Variants in KCND2 observed in about 807,000 individuals in gnomAD.
KCND2 encodes the protein potassium voltage-gated channel subfamily D member 2.
KCND2 carries 16 observed loss-of-function variants against 54.4 expected under a neutral mutation model. The ratio of observed to expected loss-of-function variants is 0.29; its 90% CI spans 0.20 to 0.45. The LOEUF (loss-of-function observed/expected upper bound fraction) is 0.45. Among genes scored for constraint, KCND2 ranks in the 20% least tolerant of loss-of-function variants. KCND2 has a pLI of 1.00. For synonymous variants in KCND2, 317 were observed against 310.7 expected (o/e 1.02, Z -0.21); for missense variants, 486 against 824.2 (o/e 0.59, Z 5.02).
At chr7:120,684,210 G>C (rs566033245) in intron 1 of KCND2, among the ~76,000 whole-genome samples, 1 of 152,050 alleles carries the variant, frequency 6.6e-6, no homozygotes, top group Non-Finnish European at 1.5e-5. Context: ...GTTATTCCTG[G>C]GGCCTTCAGA....
intron 1 of KCND2, among the ~76,000 whole-genome samples, chr7:120,278,645 G>A (rs974367931): frequency 6.6e-6 from 1 of 151,528 alleles, no homozygotes; most frequent in South Asian, 2.1e-4. Context: ...AACTGAGTGT[G>A]TCTATCTTAG....
chr7:120,482,497 C>T (rs1802620729), intron 1 of KCND2, among the ~76,000 whole-genome samples: 1 of 152,106 alleles, frequency 6.6e-6, no homozygotes, highest in African/African-American at 2.4e-5. Flanking sequence ...AATATGTCCT[C>T]CAAATTTCAT....
At chr7:120,305,734 G>A (rs1039028783) in intron 1 of KCND2, among the ~76,000 whole-genome samples, 1 of 152,076 alleles carries the variant, frequency 6.6e-6, no homozygotes, top group Admixed American at 6.6e-5. Flanking sequence ...AAATGTGTCT[G>A]TCCCAAGCAT....
intron 1 of KCND2, among the ~76,000 whole-genome samples, chr7:120,432,614 G>A (rs1224309350): frequency 6.6e-6 from 1 of 152,098 alleles, no homozygotes; most frequent in Non-Finnish European, 1.5e-5. Flanking sequence ...TGATAATTAT[G>A]GGTATAATTT....
chr7:120,616,725 G>A (rs778176333), intron 1 of KCND2, among the ~76,000 whole-genome samples: 2 of 152,138 alleles, frequency 1.3e-5, no homozygotes, highest in Non-Finnish European at 2.9e-5. Context: ...TCCTCCAAAT[G>A]TGTGTGTGCA....
intron 1 of KCND2, among the ~76,000 whole-genome samples, chr7:120,555,270 T>C (rs937271032): frequency 6.6e-6 from 1 of 152,214 alleles, no homozygotes; most frequent in African/African-American, 2.4e-5. Flanking sequence ...ATTCACAATA[T>C]TGGCCATCAT....
chr7:120,636,727 G>A (rs1297466369), intron 1 of KCND2, among the ~76,000 whole-genome samples: 1 of 152,050 alleles, frequency 6.6e-6, no homozygotes, highest in African/African-American at 2.4e-5. Context: ...TGTCTGTAAA[G>A]ATCTGTGAAA....
chr7:120,683,292 T>A (rs1363998351), intron 1 of KCND2, among the ~76,000 whole-genome samples: 1 of 152,152 alleles, frequency 6.6e-6, no homozygotes, highest in Non-Finnish European at 1.5e-5. Flanking sequence ...TACTCCAGTC[T>A]ACTATGATCT....
intron 1 of KCND2, among the ~76,000 whole-genome samples, chr7:120,467,723 C>T (rs943048395): frequency 6.6e-5 from 10 of 152,060 alleles, no homozygotes; most frequent in Admixed American, 3.9e-4. Context: ...TCCTTTTTGT[C>T]ATCTGCGTTC....
chr7:120,423,181 A>T (rs905404815), intron 1 of KCND2, among the ~76,000 whole-genome samples: 1 of 152,018 alleles, frequency 6.6e-6, no homozygotes. Flanking sequence ...TTCTGGCTTC[A>T]CTCTTCTCTG....
intron 1 of KCND2, among the ~76,000 whole-genome samples, chr7:120,593,951 C>T (rs1792701952): frequency 6.6e-6 from 1 of 152,320 alleles, no homozygotes; most frequent in South Asian, 2.1e-4. Context: ...CTCTGCTGGC[C>T]TGCCCAGACC....
chr7:120,464,233 A>T (rs1223399746), intron 1 of KCND2: 2 of 194,048 alleles, frequency 1.0e-5, no homozygotes, highest in Admixed American at 1.3e-4. Flanking sequence ...AGGTAAAAAA[A>T]AAAAGAAAAC....
chr7:120,554,313 C>G (rs1395293992), intron 1 of KCND2, among the ~76,000 whole-genome samples: 1 of 152,202 alleles, frequency 6.6e-6, no homozygotes, highest in Admixed American at 6.5e-5. Context: ...CATTAACTTG[C>G]ATCAGAATCA....
chr7:120,645,470 C>T (rs1424000120), intron 1 of KCND2, among the ~76,000 whole-genome samples: 1 of 152,114 alleles, frequency 6.6e-6, no homozygotes, highest in East Asian at 1.9e-4. Context: ...AGTGGCTGAC[C>T]ACATGACATG....
intron 1 of KCND2, among the ~76,000 whole-genome samples, chr7:120,585,157 G>C (rs2116449439): frequency 6.6e-6 from 1 of 151,548 alleles, no homozygotes; most frequent in Non-Finnish European, 1.5e-5. Context: ...CTTGCTTTTT[G>C]TGCCTAAGGG....
At chr7:120,315,569 C>T (rs967491491) in intron 1 of KCND2, among the ~76,000 whole-genome samples, 2 of 152,144 alleles carry the variant, frequency 1.3e-5, no homozygotes, top group South Asian at 2.1e-4. Flanking sequence ...AAATAACACA[C>T]GTAGTGCCTA....
At chr7:120,463,877 GTAGA>G (rs1371446990) in intron 1 of KCND2, among the ~76,000 whole-genome samples, 1 of 150,018 alleles carries the variant, frequency 6.7e-6, no homozygotes, top group Non-Finnish European at 1.5e-5. Flanking sequence ...GAATTGAAAG[GTAGA>G]TAGAAGATAG....
At chr7:120,547,803 A>G (rs1197052893) in intron 1 of KCND2, among the ~76,000 whole-genome samples, 1 of 152,044 alleles carries the variant, frequency 6.6e-6, no homozygotes, top group Non-Finnish European at 1.5e-5. Context: ...ATTGATGTGC[A>G]TTAATATTGA....
chr7:120,433,993 T>C (rs897150185), intron 1 of KCND2, among the ~76,000 whole-genome samples: 1 of 152,198 alleles, frequency 6.6e-6, no homozygotes, highest in African/African-American at 2.4e-5. Flanking sequence ...GCACAATACA[T>C]GTGTGTTACA....
Sources: allele counts gnomAD v4.1 joint callset (sites outside exome capture counted in the v4.1 genomes callset), GRCh38; gene constraint gnomAD v4.1.1; transcripts MANE v1.5; gene names NCBI Gene and HGNC (gene_info 2026-07-23, HGNC 2026-07-21).